The following CTTN variants were observed in gnomAD, a reference collection of about 807,000 sequenced individuals.
The protein encoded by CTTN is cortactin.
In CTTN, 28 loss-of-function variants were observed where a neutral mutation model predicts 84.0. The observed-to-expected ratio is 0.33, with a 90% confidence interval of 0.25 to 0.46. CTTN has a LOEUF of 0.46. CTTN is among the 20% of genes least tolerant of loss of function. The pLI is 1.00. For synonymous variants in CTTN, 301 were observed against 288.8 expected, an observed-to-expected ratio of 1.04 and a Z score of -0.43; for missense variants, 641 against 723.8, an observed-to-expected ratio of 0.89 and a Z score of 1.31.
At position 70,433,491 on chromosome 11, in the gene CTTN, C is replaced by G. The variant is rs569321314; in HGVS notation, c.1445-156C>G. ...GGGTCCCAGGAAGATCCCCATTGTG[C>G]TGGGGACGGGTGGGCAGGGGCAGAG... On this transcript the variant is annotated intron_variant, in intron 16 of 17. Coordinates refer to ENST00000301843, the MANE Select transcript of CTTN (RefSeq NM_005231.4). The G allele has an allele frequency of 1.2e-5, 9 of 778,162 alleles. No homozygotes were observed. The East Asian group carries it at 1.8e-4, about 16-fold the overall frequency. The allele number at this position is 778,162 out of a possible 1,614,324, so 48.2% of individuals were successfully genotyped here.
At chr11:70,417,250 A>C (rs955915199) in intron 8 of CTTN, 127 bp downstream of exon 8, 7 of 710,964 alleles carry the variant, frequency 9.8e-6, no homozygotes, top group Non-Finnish European at 1.5e-5. Context: ...TTTTCGTACC[A>C]GTGTATGTGG....
At chr11:70,414,712 T>C in intron 6 of CTTN, 60 bp downstream of exon 6, 1 of 1,315,384 alleles carries the variant, frequency 7.6e-7, no homozygotes, top group Non-Finnish European at 1.1e-6. Flanking sequence ...TCCCCGTAGA[T>C]CTGAGCCCTG....
At chr11:70,402,433 T>C (rs1489996700) in intron 1 of CTTN, among the ~76,000 whole-genome samples, 1 of 152,204 alleles carries the variant, frequency 6.6e-6, no homozygotes, top group African/African-American at 2.4e-5. Flanking sequence ...TTCAGAATAA[T>C]TTTATCACCT....
chr11:70,424,740 A>G (rs1311909663), intron 12 of CTTN, among the ~76,000 whole-genome samples: 1 of 152,042 alleles, frequency 6.6e-6, no homozygotes, highest in Non-Finnish European at 1.5e-5. Context: ...GGTGCTGGGC[A>G]GAAAGGGGCC....
chr11:70,405,515 T>C (rs2058031960), intron 2 of CTTN, among the ~76,000 whole-genome samples, 154 bp downstream of exon 2: 1 of 152,150 alleles, frequency 6.6e-6, no homozygotes, highest in South Asian at 2.1e-4. Flanking sequence ...GTTTAAAAAA[T>C]AAAGTCAGGT....
intron 8 of CTTN, among the ~76,000 whole-genome samples, chr11:70,419,335 C>G (rs922631625): frequency 3.3e-5 from 5 of 152,086 alleles, no homozygotes; most frequent in African/African-American, 1.2e-4. Context: ...GACTTAAACC[C>G]CTGACCTCAG....
chr11:70,410,809 C>T (rs1025597806), intron 5 of CTTN, among the ~76,000 whole-genome samples: 53 of 152,258 alleles, frequency 3.5e-4, no homozygotes, highest in African/African-American at 1.1e-3. Flanking sequence ...TAGCCAGTGT[C>T]GGATTCCAGC....
intron 12 of CTTN, 107 bp downstream of exon 12, chr11:70,423,102 G>A (rs912483616): frequency 7.7e-5 from 103 of 1,338,410 alleles, no homozygotes; most frequent in Admixed American, 2.7e-4. Flanking sequence ...GGGCACAAGT[G>A]ATTTCCGTCG....
At chr11:70,423,938 G>T (rs2058272361) in intron 12 of CTTN, among the ~76,000 whole-genome samples, 1 of 152,192 alleles carries the variant, frequency 6.6e-6, no homozygotes, top group African/African-American at 2.4e-5. Flanking sequence ...GTGTGGTCCT[G>T]AAGAGAGCTG....
Position 70,436,400 on chromosome 11 carries a change from T to C in CTTN, c.*1238T>C. 6.3e-7 allele frequency: 1 copy of C among 1,598,130 alleles called. No homozygotes were observed. On this transcript the variant is annotated 3_prime_UTR_variant, in exon 18 of 18. Coordinates refer to ENST00000301843, the MANE Select transcript of CTTN (RefSeq NM_005231.4). ...ATGTCTCGGGACTTGGGTCCCGGAG[T>C]GCCCGTGAAGCGTGTTTTTGCTCCT...
At chr11:70,400,903 A>G (rs1029416477) in intron 1 of CTTN, among the ~76,000 whole-genome samples, 2 of 152,208 alleles carry the variant, frequency 1.3e-5, no homozygotes, top group African/African-American at 4.8e-5. Context: ...TCCCTTGAGT[A>G]AGTGTGGTGT....
intron 16 of CTTN, 122 bp from the exon 17 acceptor site, chr11:70,433,525 G>A: frequency 1.1e-6 from 1 of 876,790 alleles, no homozygotes; most frequent in Middle Eastern, 2.2e-4. Context: ...AGGAAGGGAG[G>A]GTTTCAGCTG....
In CTTN at chr11:70,435,788, C is replaced by G; in HGVS notation, c.*626C>G. Reference sequence around the variant, plus strand: ...CCTGGTTTTTTTCCTGTGCCCACTCCGGCTTGTCCTCATCTCTACCCATCC... The same window carrying G: ...CCTGGTTTTTTTCCTGTGCCCACTCGGGCTTGTCCTCATCTCTACCCATCC... On this transcript the variant is annotated 3_prime_UTR_variant, in exon 18 of 18. Transcript: ENST00000301843. 1 of 1,585,498 alleles carries G rather than the reference C, an allele frequency of 6.3e-7. No homozygotes were observed. Among genetic ancestry groups the G allele is most frequent in the Non-Finnish European group, 8.5e-7 (1 of 1,174,186 alleles).
rs1490905607 is a variant in CTTN at position 70,406,266 on chromosome 11, C to G, written c.-1+905C>G. Among the ~76,000 whole-genome samples, 3 of 152,248 alleles carry G rather than the reference C, an allele frequency of 2.0e-5. No individual in the cohort carries two copies. The East Asian group carries it at 5.8e-4, about 29-fold the overall frequency. Reference sequence around the variant, plus strand: ...TGTCACATTGGATTTGGACTTGAGACCCAGCCAGGCTGGAGGGAGAGGAGC... The same window carrying G: ...TGTCACATTGGATTTGGACTTGAGAGCCAGCCAGGCTGGAGGGAGAGGAGC... On this transcript the variant is annotated intron_variant, in intron 2 of 17. Transcript: ENST00000301843.
In CTTN at chr11:70,436,444, A is replaced by C; in HGVS notation, c.*1282A>C. Reference sequence around the variant, plus strand: ...TGCTCCTGAGGTGCATTTTCTCATCATCCTTGCTTTACCACAATGAGCAAT... The same window carrying C: ...TGCTCCTGAGGTGCATTTTCTCATCCTCCTTGCTTTACCACAATGAGCAAT... On this transcript the variant is annotated 3_prime_UTR_variant, in exon 18 of 18. Coordinates refer to ENST00000301843, the MANE Select transcript of CTTN (RefSeq NM_005231.4). 6.3e-7 allele frequency: 1 copy of C among 1,586,416 alleles called. No individual in the cohort carries two copies. Among genetic ancestry groups the C allele is most frequent in the Non-Finnish European group, 8.5e-7 (1 of 1,170,382 alleles).
chr11:70,422,358 G>A, intron 11 of CTTN: 1 of 476,250 alleles, frequency 2.1e-6, no homozygotes, highest in South Asian at 1.8e-5. Flanking sequence ...GACACACCTG[G>A]GGTGGTCCCG....
chr11:70,425,429 C>T (rs747071131), intron 13 of CTTN, 28 bp downstream of exon 13: 15 of 1,579,004 alleles, frequency 9.5e-6, no homozygotes, highest in East Asian at 2.2e-5. Context: ...CCAGGAGCAC[C>T]GTGTGGTTTC....
chr11:70,415,950 C>T (rs1193294338), intron 7 of CTTN: 2 of 488,286 alleles, frequency 4.1e-6, no homozygotes, highest in Non-Finnish European at 7.4e-6. Context: ...ACACATCCCC[C>T]TCGGAGCCCT....
chr11:70,436,019 TG>T lies in CTTN; in HGVS notation c.*861del, dbSNP rs2058413945. The T allele has an allele frequency of 2.1e-6, 3 of 1,426,414 alleles. No homozygotes were observed. The East Asian group carries it at 7.6e-5, about 36-fold the overall frequency. 88.4% of individuals were successfully genotyped at this position (1,426,414 alleles called of 1,614,324 possible). On this transcript the variant is annotated 3_prime_UTR_variant, in exon 18 of 18. Coordinates refer to ENST00000301843, the MANE Select transcript of CTTN (RefSeq NM_005231.4). ...ATGGTCCCTGGGCCACCGGGCAGCC[TG>T]GGGCGGTGTGTGTGCCATGTCACAG...
Sources: gnomAD v4.1 joint callset for allele counts (sites outside exome capture counted in the v4.1 genomes callset) on GRCh38, gnomAD v4.1.1 for gene constraint, MANE v1.5 for transcripts, NCBI Gene and HGNC (gene_info 2026-07-23, HGNC 2026-07-21) for gene names.